Variants in MTHFS observed in about 807,000 individuals in gnomAD.
MTHFS encodes the protein methenyltetrahydrofolate synthetase, also known as 5-formyltetrahydrofolate cyclo-ligase.
In MTHFS, 7 loss-of-function variants were observed where a neutral mutation model predicts 12.7. The ratio of observed to expected loss-of-function variants is 0.55; its 90% CI spans 0.31 to 1.03. The LOEUF (loss-of-function observed/expected upper bound fraction) is 1.03, where lower values mean the gene tolerates loss of function less well. Among genes scored for constraint, MTHFS ranks in the 50% least tolerant of loss-of-function variants. MTHFS has a pLI of 0.05. For synonymous variants in MTHFS, 100 were observed against 97.1 expected (o/e 1.03, Z -0.18); for missense variants, 252 against 258.1 (o/e 0.98, Z 0.16).
At chr15:79,897,152 C>T, upstream of MTHFS, 1 of 594,146 alleles carries the variant, frequency 1.7e-6, no homozygotes, top group African/African-American at 2.0e-5. Flanking sequence ...CGGCGCGCCG[C>T]GCGCTTACCT....
At chr15:79,846,872 C>T (rs4987192) in intron 2 of MTHFS, among the ~76,000 whole-genome samples, 3 of 152,306 alleles carry the variant, frequency 2.0e-5, no homozygotes, top group East Asian at 3.9e-4. Context: ...ACACACAATG[C>T]GCAAACCTTT....
chr15:79,889,057 C>A, intron 2 of MTHFS, 36 bp downstream of exon 2: 1 of 1,607,104 alleles, frequency 6.2e-7, no homozygotes, highest in South Asian at 1.1e-5. Context: ...AACAACTGGT[C>A]ATAATCTAAC....
At chr15:79,893,790 G>C (rs2034517874) in intron 1 of MTHFS, among the ~76,000 whole-genome samples, 1 of 151,756 alleles carries the variant, frequency 6.6e-6, no homozygotes, top group African/African-American at 2.4e-5. Context: ...GACAGAGGGA[G>C]TAGAAAACAC....
intron 1 of MTHFS, among the ~76,000 whole-genome samples, 169 bp from the exon 2 acceptor site, chr15:79,889,523 A>G (rs1229321072): frequency 4.6e-5 from 7 of 152,044 alleles, no homozygotes; most frequent in Non-Finnish European, 8.8e-5. Context: ...TTGCATCATG[A>G]AGCCTGACTT....
upstream of MTHFS, chr15:79,897,027 C>T (rs543660159): frequency 3.4e-3 from 5,124 of 1,491,100 alleles, 10 homozygotes; most frequent in Non-Finnish European, 4.2e-3. Context: ...CCTCGGCGCC[C>T]TGGGCGCCCT....
rs777816838 is a variant in MTHFS at position 79,876,182 on chromosome 15, A to T, written c.379+12911T>A. The T allele has an allele frequency of 1.3e-5, 2 of 152,168 alleles. 1 individual carries two copies. Among genetic ancestry groups the T allele is most frequent in the African/African-American group, 4.8e-5 (2 of 41,424 alleles). The allele number at this position is 152,168 out of a possible 1,614,324, so 9.4% of individuals were successfully genotyped here. A position where few individuals can be genotyped will look rare whatever the true frequency, so the allele number is the denominator to read the frequency against. On this transcript the variant is annotated intron_variant, in intron 2 of 2. Coordinates refer to ENST00000258874, the MANE Select transcript of MTHFS (RefSeq NM_006441.4). The stretch of plus-strand genomic sequence containing the variant: ...AATATAGGATATGCAAAGAAACAAG[A>T]AAGTGACCTATAATCAAGGTGGGGG...
intron 2 of MTHFS, among the ~76,000 whole-genome samples, chr15:79,860,798 T>C (rs12101958): frequency 0.02 from 3,103 of 152,308 alleles, 92 homozygotes; most frequent in African/African-American, 0.07. Flanking sequence ...GAATAACTTT[T>C]TCAATATATT....
chr15:79,870,974 T>C (rs1003506862), intron 2 of MTHFS, among the ~76,000 whole-genome samples: 1 of 151,960 alleles, frequency 6.6e-6, no homozygotes, highest in Non-Finnish European at 1.5e-5. Flanking sequence ...GAAAGCTGTC[T>C]CTACTAAAAA....
chr15:79,881,609 G>C (rs886832431), intron 2 of MTHFS, among the ~76,000 whole-genome samples: 7 of 151,480 alleles, frequency 4.6e-5, no homozygotes, highest in African/African-American at 1.7e-4. Flanking sequence ...TTTGAGACCA[G>C]AGTACTTTTA....
intron 1 of MTHFS, among the ~76,000 whole-genome samples, chr15:79,889,996 T>A (rs1451080800): frequency 1.3e-5 from 2 of 152,076 alleles, no homozygotes; most frequent in African/African-American, 4.8e-5. Context: ...GCCTCTACCA[T>A]CCCCATCCCA....
intron 2 of MTHFS, among the ~76,000 whole-genome samples, chr15:79,883,053 A>C (rs1303569339): frequency 1.3e-5 from 2 of 152,132 alleles, no homozygotes; most frequent in Non-Finnish European, 2.9e-5. Context: ...AAAATTTAAA[A>C]ATTAGTCAGG....
chr15:79,856,476 A>G (rs575994178), intron 2 of MTHFS, among the ~76,000 whole-genome samples: 104 of 152,286 alleles, frequency 6.8e-4, no homozygotes, highest in Non-Finnish European at 1.1e-3. Context: ...TATCTGTGTG[A>G]TTCAATCAAG....
At chr15:79,865,987 T>C (rs1222108865) in intron 2 of MTHFS, among the ~76,000 whole-genome samples, 1 of 151,572 alleles carries the variant, frequency 6.6e-6, no homozygotes, top group Non-Finnish European at 1.5e-5. Flanking sequence ...CAGGCAAACC[T>C]AAACCTCTTT....
chr15:79,879,989 A>G (rs535478944), intron 2 of MTHFS, among the ~76,000 whole-genome samples: 2 of 152,260 alleles, frequency 1.3e-5, no homozygotes, highest in African/African-American at 4.8e-5. Context: ...AGTTAGGAAG[A>G]TATTTTTTGT....
At chr15:79,849,009 A>G (rs1356908835) in intron 2 of MTHFS, among the ~76,000 whole-genome samples, 2 of 152,232 alleles carry the variant, frequency 1.3e-5, no homozygotes, top group Non-Finnish European at 2.9e-5. Context: ...ATAAAATAAT[A>G]AAAATATAAC....
rs1001726036 is a variant in MTHFS at position 79,896,684 on chromosome 15, A to C, written c.117+188T>G. On this transcript the variant is annotated intron_variant, in intron 1 of 2. Transcript: ENST00000258874. ...CACTACCGGGCCCTCTCCCCGCCAT[A>C]GTGCCAAGAGCGTCCAGACCACGAC... The C allele has an allele frequency of 2.8e-6, 3 of 1,068,898 alleles. No homozygotes were observed. In the African/African-American group the frequency reaches 5.0e-5, roughly 18 times the overall value. 66.2% of individuals were successfully genotyped at this position (1,068,898 alleles called of 1,614,324 possible).
intron 2 of MTHFS, among the ~76,000 whole-genome samples, chr15:79,862,532 G>C (rs1205549862): frequency 6.6e-6 from 1 of 152,040 alleles, no homozygotes; most frequent in African/African-American, 2.4e-5. Context: ...AGCCCTCACA[G>C]AAGACTATCT....
At chr15:79,893,264 G>T (rs966414299) in intron 1 of MTHFS, among the ~76,000 whole-genome samples, 2 of 151,664 alleles carry the variant, frequency 1.3e-5, no homozygotes, top group Non-Finnish European at 2.9e-5. Context: ...TTAGTCAGGC[G>T]TGGCGGCAGG....
chr15:79,879,962 A>G (rs1400718915), intron 2 of MTHFS, among the ~76,000 whole-genome samples: 2 of 152,240 alleles, frequency 1.3e-5, no homozygotes, highest in African/African-American at 4.8e-5. Context: ...GCTTTAACCC[A>G]AAGTAATGAC....
Sources: allele counts gnomAD v4.1 joint callset (sites outside exome capture counted in the v4.1 genomes callset), GRCh38; gene constraint gnomAD v4.1.1; transcripts MANE v1.5; gene names NCBI Gene and HGNC (gene_info 2026-07-23, HGNC 2026-07-21).